Variants in ALOX15B observed in about 807,000 individuals in gnomAD.
ALOX15B encodes the protein polyunsaturated fatty acid lipoxygenase ALOX15B.
A neutral mutation model predicts 73.8 loss-of-function variants in ALOX15B; 74 were observed. That is an observed-to-expected ratio of 1.00 (90% confidence interval 0.83 to 1.22). ALOX15B has a LOEUF of 1.22. Among genes scored for constraint, ALOX15B ranks in the 50% most tolerant of loss-of-function variants. The probability of loss-of-function intolerance (pLI) is 0.00; values close to 1 mark genes in which losing one functional copy is unlikely to be tolerated. For synonymous variants in ALOX15B, 353 were observed against 357.2 expected (o/e 0.99, Z 0.13); for missense variants, 896 against 859.9 (o/e 1.04, Z -0.52).
chr17:8,040,978 C>T (rs779188128), intron 3 of ALOX15B, among the ~76,000 whole-genome samples: 17 of 152,044 alleles, frequency 1.1e-4, no homozygotes, highest in African/African-American at 2.9e-4. Context: ...GATCTTGATC[C>T]GGCCAACTCA....
intron 8 of ALOX15B, among the ~76,000 whole-genome samples, chr17:8,046,115 C>T (rs533706771): frequency 8.5e-5 from 13 of 152,166 alleles, no homozygotes; most frequent in Non-Finnish European, 1.8e-4. Context: ...GGCATGGATT[C>T]GAGGCATCTC....
Position 8,045,218 on chromosome 17 carries a change from A to T in ALOX15B, c.850-20A>T. 1 of 1,613,706 alleles carries T rather than the reference A, an allele frequency of 6.2e-7. No homozygotes were observed. On this transcript the variant is annotated intron_variant, in intron 6 of 13. Coordinates refer to ENST00000380183, the MANE Select transcript of ALOX15B (RefSeq NM_001141.3). ...ATTTAGAAAACCAGGTGGCAGCCCC[A>T]GATCTCCTTTCTTCTGCAGAAGGGC... is the stretch of plus-strand genomic sequence containing the variant.
chr17:8,043,292 G>C (rs1374199900), intron 5 of ALOX15B, among the ~76,000 whole-genome samples: 1 of 152,162 alleles, frequency 6.6e-6, no homozygotes, highest in Admixed American at 6.5e-5. Flanking sequence ...CTCTCCCAAG[G>C]GGGTGAACTA....
intron 5 of ALOX15B, among the ~76,000 whole-genome samples, chr17:8,044,393 G>C (rs900695555): frequency 6.9e-6 from 1 of 145,426 alleles, no homozygotes; most frequent in Non-Finnish European, 1.5e-5. Flanking sequence ...CTGGACTCCA[G>C]CCTGGGCAAC....
chr17:8,042,678 GC>G, intron 4 of ALOX15B, 102 bp from the exon 5 acceptor site: 3 of 1,344,742 alleles, frequency 2.2e-6, no homozygotes, highest in Admixed American at 4.3e-5. Context: ...ACTACCTTGG[GC>G]CCGGAGGCTG....
intron 3 of ALOX15B, among the ~76,000 whole-genome samples, chr17:8,041,806 G>A (rs1381346021): frequency 6.6e-6 from 1 of 152,190 alleles, no homozygotes; most frequent in Non-Finnish European, 1.5e-5. Flanking sequence ...CTCTCTATGG[G>A]ACACCTACCA....
chr17:8,040,651 GA>G (rs138305271), intron 3 of ALOX15B, among the ~76,000 whole-genome samples: 10,624 of 92,320 alleles, frequency 0.12, 443 homozygotes, highest in East Asian at 0.16. Context: ...AAGAAAGAAA[GA>G]AAAGAAAGAG....
rs969827001 is a variant in ALOX15B at position 8,044,829 on chromosome 17, A to G, written c.677A>G (p.Glu226Gly). ...TTCCCCTGTCCCCCACCCCCTGCAGAGCACGCATTTGAGCACTGGCAGGAG... is the reference window on the plus strand; with the variant it reads ...TTCCCCTGTCCCCCACCCCCTGCAGGGCACGCATTTGAGCACTGGCAGGAG... ...IFNFRRTPAAEHAFEHWQEDA... is the reference protein window; with the variant it reads ...IFNFRRTPAAGHAFEHWQEDA... The change falls in exon 6 of 14, where the codon GAG (glutamate) becomes GGG (glycine). Residue 226 changes from glutamate (E) to glycine (G), a missense_variant and splice_region_variant. Coordinates refer to ENST00000380183, the MANE Select transcript of ALOX15B (RefSeq NM_001141.3). 148 of 1,589,028 alleles carry G rather than the reference A, an allele frequency of 9.3e-5. 1 individual carries two copies. The East Asian group carries it at 3.4e-3, about 37-fold the overall frequency.
chr17:8,040,609 A>AAGAGAG (rs1976423004), intron 3 of ALOX15B, among the ~76,000 whole-genome samples: 2 of 116,538 alleles, frequency 1.7e-5, no homozygotes, highest in African/African-American at 6.0e-5. Context: ...GAGAGAAAGA[A>AAGAGAG]AGAAAGAAAG....
intron 5 of ALOX15B, among the ~76,000 whole-genome samples, chr17:8,044,546 G>T (rs893892302): frequency 1.3e-5 from 2 of 152,156 alleles, no homozygotes; most frequent in Non-Finnish European, 2.9e-5. Context: ...TGAGCTGTAG[G>T]AATAATCTGT....
At chr17:8,040,120 A>G in intron 3 of ALOX15B, 137 bp downstream of exon 3, 1 of 774,140 alleles carries the variant, frequency 1.3e-6, no homozygotes, top group Non-Finnish European at 2.0e-6. Flanking sequence ...AGCAGCGTCT[A>G]CAGGAACGTA....
chr17:8,047,189 T>C, intron 10 of ALOX15B, 69 bp from the exon 11 acceptor site: 1 of 1,609,744 alleles, frequency 6.2e-7, no homozygotes, highest in Non-Finnish European at 8.5e-7. Flanking sequence ...ACATTCATGA[T>C]GCTAAGCAGA....
At chr17:8,044,336 C>G (rs528069224) in intron 5 of ALOX15B, among the ~76,000 whole-genome samples, 1 of 148,458 alleles carries the variant, frequency 6.7e-6, no homozygotes, top group African/African-American at 2.5e-5. Flanking sequence ...GCAGGAGGAT[C>G]GGTTGAACCC....
intron 4 of ALOX15B, 21 bp from the exon 5 acceptor site, chr17:8,042,760 A>G: frequency 6.6e-7 from 1 of 1,526,204 alleles, no homozygotes; most frequent in Non-Finnish European, 8.9e-7. Flanking sequence ...CCCACTCCCC[A>G]CCCCTCACAT....
intron 3 of ALOX15B, among the ~76,000 whole-genome samples, chr17:8,040,683 C>T (rs536755860): frequency 6.7e-6 from 1 of 149,370 alleles, no homozygotes; most frequent in Non-Finnish European, 1.5e-5. Context: ...CTTTAAATGC[C>T]TTACCTTTGC....
At chr17:8,039,683 G>C in intron 2 of ALOX15B, 78 bp downstream of exon 2, 1 of 1,361,492 alleles carries the variant, frequency 7.3e-7, no homozygotes, top group Non-Finnish European at 9.8e-7. Context: ...AGAAGGGCAG[G>C]TGAAATGGAG....
chr17:8,045,320 CG>C lies in ALOX15B; in HGVS notation c.934del (p.Ala312ProfsTer3). On this transcript the variant is annotated frameshift_variant, in exon 7 of 14. Transcript: ENST00000380183. LOFTEE classifies it high-confidence loss of function. Reference sequence around the variant, plus strand: ...ATTAATGGGAAGCCTCAGTTCTCTGCGGCCCCAATGACCCTGCTATACCAGA... The same window carrying C: ...ATTAATGGGAAGCCTCAGTTCTCTGCGCCCCAATGACCCTGCTATACCAGA... ...NVINGKPQFSAAPMTLLYQSP... is the reference protein window; with the variant it reads ...NVINGKPQFSXAPMTLLYQSP... 1.2e-6 allele frequency: 2 copies of C among 1,614,180 alleles called. No homozygotes were observed. The highest frequency in any genetic ancestry group is 1.7e-6 in the Non-Finnish European group (2 of 1,180,034).
intron 13 of ALOX15B, 79 bp from the exon 14 acceptor site, chr17:8,048,307 T>G (rs1976667184): frequency 1.3e-6 from 2 of 1,510,262 alleles, no homozygotes; most frequent in Non-Finnish European, 1.8e-6. Context: ...AAGTTGCAGC[T>G]GCTCAGATAG....
At chr17:8,039,809 C>G (rs1976385481) in intron 2 of ALOX15B, 93 bp from the exon 3 acceptor site, 3 of 1,348,304 alleles carry the variant, frequency 2.2e-6, no homozygotes, top group East Asian at 2.3e-5. Flanking sequence ...AGGAGGGGAC[C>G]TGGTAGAGGG....
Sources: allele counts gnomAD v4.1 joint callset (sites outside exome capture counted in the v4.1 genomes callset), GRCh38; gene constraint gnomAD v4.1.1; transcripts MANE v1.5; gene names NCBI Gene and HGNC (gene_info 2026-07-23, HGNC 2026-07-21).